LRP1B: variants seen among roughly 807,000 people sequenced by gnomAD.
LRP1B encodes low-density lipoprotein receptor-related protein 1B.
Under a neutral mutation model 556.6 loss-of-function variants are expected in LRP1B, and 217 were observed. That is an observed-to-expected ratio of 0.39 (90% CI 0.35 to 0.44). The LOEUF is 0.44. Ranked by LOEUF, LRP1B falls within the 20% of genes least tolerant of loss-of-function variation. The pLI is 1.00. For missense variants in LRP1B, 5,053 were observed against 5,620.8 expected (o/e 0.90, Z 3.23); for synonymous variants, 2,047 against 1,865.8 (o/e 1.10, Z -2.50).
chr2:141,561,816 C>G (rs944868439), intron 2 of LRP1B, among the ~76,000 whole-genome samples: 8 of 150,642 alleles, frequency 5.3e-5, no homozygotes, highest in African/African-American at 2.0e-4. Context: ...GAATTTTAGG[C>G]AAAAAAATAA....
At chr2:141,051,457 T>A (rs938536895) in intron 10 of LRP1B, among the ~76,000 whole-genome samples, 1 of 152,008 alleles carries the variant, frequency 6.6e-6, no homozygotes, top group Admixed American at 6.6e-5. Context: ...TAAAAAAGAA[T>A]GAGATCATGT....
At chr2:141,304,449 G>C (rs979842279) in intron 3 of LRP1B, among the ~76,000 whole-genome samples, 4 of 146,484 alleles carry the variant, frequency 2.7e-5, no homozygotes, top group Non-Finnish European at 6.0e-5. Context: ...TTTGTATATT[G>C]AGAAAGTAGG....
intron 41 of LRP1B, among the ~76,000 whole-genome samples, chr2:140,635,665 T>C (rs1684047614): frequency 6.6e-6 from 1 of 152,024 alleles, no homozygotes; most frequent in Admixed American, 6.6e-5. Flanking sequence ...TACTATATAC[T>C]ATATACTATA....
intron 32 of LRP1B, among the ~76,000 whole-genome samples, chr2:140,797,010 T>G (rs1690339882): frequency 6.6e-6 from 1 of 152,010 alleles, no homozygotes; most frequent in Non-Finnish European, 1.5e-5. Flanking sequence ...AATAATTATA[T>G]GAATACCTAA....
intron 15 of LRP1B, among the ~76,000 whole-genome samples, chr2:141,000,984 A>G (rs115326850): frequency 4.9e-4 from 74 of 152,176 alleles, no homozygotes; most frequent in African/African-American, 1.7e-3. Flanking sequence ...GAATGAAAGA[A>G]ATAGGAAATA....
intron 7 of LRP1B, among the ~76,000 whole-genome samples, chr2:141,137,940 C>T (rs1028246610): frequency 5.9e-5 from 9 of 151,266 alleles, no homozygotes; most frequent in South Asian, 4.2e-4. Context: ...ACTTATTCTC[C>T]GAGGTCATCA....
intron 39 of LRP1B, 87 bp from the exon 40 acceptor site, chr2:140,701,932 C>A: frequency 1.3e-6 from 2 of 1,530,014 alleles, no homozygotes; most frequent in South Asian, 1.2e-5. Flanking sequence ...ACAGATGGAC[C>A]AACAGAAGGG....
At position 141,539,136 on chromosome 2, in the gene LRP1B, T is replaced by A. The variant is rs1685162792; in HGVS notation, c.206-58603A>T. ...ATGATTTATGTGGTACCAACATTCC[T>A]GAATTGAACACAAACTGTGCATGAA... On this transcript the variant is annotated intron_variant, in intron 2 of 90. Coordinates refer to ENST00000389484, the MANE Select transcript of LRP1B (RefSeq NM_018557.3). 3.3e-5 allele frequency among the ~76,000 whole-genome samples: 5 copies of A among 152,254 alleles called. No individual in the cohort carries two copies. The South Asian group carries it at 8.3e-4, about 25-fold the overall frequency.
chr2:140,884,994 T>C (rs1693591886), intron 24 of LRP1B, among the ~76,000 whole-genome samples: 1 of 152,210 alleles, frequency 6.6e-6, no homozygotes, highest in African/African-American at 2.4e-5. Context: ...GTTACAAGCA[T>C]GAGCCACTGT....
intron 55 of LRP1B, among the ~76,000 whole-genome samples, chr2:140,498,872 A>G (rs1235819455): frequency 1.3e-5 from 2 of 151,828 alleles, no homozygotes. Context: ...TAAATCTTTT[A>G]TTTATGATTC....
chr2:141,342,856 T>G (rs1314080386), intron 3 of LRP1B, among the ~76,000 whole-genome samples: 2 of 152,094 alleles, frequency 1.3e-5, no homozygotes, highest in Non-Finnish European at 2.9e-5. Flanking sequence ...ACATTCAAAT[T>G]CAGGAAATAC....
rs768270793 is a variant in LRP1B at position 140,489,765 on chromosome 2, G to A, written c.9121-2026C>T. ...TAGAGAGCTTTGCAGGGAAAAAGCAGAGAGAAACATGTCTCTAACTTGAGC... is the reference window on the plus strand; with the variant it reads ...TAGAGAGCTTTGCAGGGAAAAAGCAAAGAGAAACATGTCTCTAACTTGAGC... On this transcript the variant is annotated intron_variant, in intron 57 of 90. Transcript: ENST00000389484. Among the ~76,000 whole-genome samples the A allele has an allele frequency of 2.6e-5, 4 of 152,068 alleles. No individual in the cohort carries two copies. The South Asian group carries it at 8.3e-4, about 31-fold the overall frequency.
At chr2:141,767,032 T>C (rs1172707204) in intron 2 of LRP1B, among the ~76,000 whole-genome samples, 1 of 152,140 alleles carries the variant, frequency 6.6e-6, no homozygotes, top group Non-Finnish European at 1.5e-5. Context: ...TTAGTTGGAC[T>C]TTACCTAAAA....
intron 1 of LRP1B, among the ~76,000 whole-genome samples, chr2:141,947,889 G>C (rs1701000465): frequency 6.6e-6 from 1 of 151,444 alleles, no homozygotes; most frequent in Non-Finnish European, 1.5e-5. Context: ...GTTGAGCTGT[G>C]GTTTTGAGAC....
intron 2 of LRP1B, among the ~76,000 whole-genome samples, chr2:141,626,143 C>A (rs1489071616): frequency 2.0e-5 from 3 of 151,994 alleles, no homozygotes; most frequent in African/African-American, 4.8e-5. Context: ...TATAAGAGAT[C>A]CCAGAAGTAA....
chr2:141,745,006 C>A (rs1055387783), intron 2 of LRP1B, among the ~76,000 whole-genome samples: 9 of 152,150 alleles, frequency 5.9e-5, no homozygotes, highest in Non-Finnish European at 8.8e-5. Context: ...CAGGCAGAGA[C>A]CCTAGTTCTT....
chr2:141,330,486 G>A (rs764219923), intron 3 of LRP1B, among the ~76,000 whole-genome samples: 3 of 152,076 alleles, frequency 2.0e-5, no homozygotes, highest in Non-Finnish European at 2.9e-5. Flanking sequence ...GACATATTGC[G>A]TGTTAAAATT....
intron 35 of LRP1B, among the ~76,000 whole-genome samples, chr2:140,745,502 T>A (rs1688286003): frequency 6.6e-6 from 1 of 152,166 alleles, no homozygotes; most frequent in African/African-American, 2.4e-5. Flanking sequence ...TTTATTTCCT[T>A]AAAACTATGA....
intron 41 of LRP1B, among the ~76,000 whole-genome samples, chr2:140,683,102 C>A (rs1048425901): frequency 6.6e-6 from 1 of 152,058 alleles, no homozygotes. Context: ...AAAGTAATTG[C>A]GGGCTTTGAC....
Sources: allele counts gnomAD v4.1 joint callset (sites outside exome capture counted in the v4.1 genomes callset), GRCh38; gene constraint gnomAD v4.1.1; transcripts MANE v1.5; gene names NCBI Gene and HGNC (gene_info 2026-07-23, HGNC 2026-07-21).